ZBTB16: variants seen among roughly 807,000 people sequenced by gnomAD.
ZBTB16 encodes zinc finger and BTB domain-containing protein 16.
A neutral mutation model predicts 56.8 loss-of-function variants in ZBTB16; 8 were observed. The ratio of observed to expected loss-of-function variants is 0.14; its 90% CI spans 0.08 to 0.25. ZBTB16 has a LOEUF of 0.25. Ranked by LOEUF, ZBTB16 falls within the 10% of genes least tolerant of loss-of-function variation. The pLI is 1.00. For missense variants in ZBTB16, 625 were observed against 903.0 expected, an observed-to-expected ratio of 0.69 and a Z score of 3.95; for synonymous variants, 363 against 368.5, an observed-to-expected ratio of 0.98 and a Z score of 0.17.
chr11:114,070,149 C>T (rs200754913), intron 2 of ZBTB16, among the ~76,000 whole-genome samples: 6 of 120,916 alleles, frequency 5.0e-5, no homozygotes, highest in South Asian at 2.8e-4. Context: ...TCGCCCAGGT[C>T]GGACTGCGGA....
In ZBTB16 at chr11:114,252,038, C is replaced by T. The variant is rs1591817712; in HGVS notation, c.*1483C>T. Among the ~76,000 whole-genome samples, 1 of 152,234 alleles carries T rather than the reference C, an allele frequency of 6.6e-6. No individual in the cohort carries two copies. Reference sequence around the variant, plus strand: ...CCTCCCCGTGCCCCTGGAGACCAGCCTCCCAGCTGGCAGGAACTGTGCAGG... The same window carrying T: ...CCTCCCCGTGCCCCTGGAGACCAGCTTCCCAGCTGGCAGGAACTGTGCAGG... On this transcript the variant is annotated 3_prime_UTR_variant, in exon 7 of 7. Coordinates refer to ENST00000335953, the MANE Select transcript of ZBTB16 (RefSeq NM_006006.6).
chr11:114,086,013 GGGT>G (rs1015227870), intron 2 of ZBTB16, among the ~76,000 whole-genome samples: 7 of 152,092 alleles, frequency 4.6e-5, no homozygotes, highest in Admixed American at 2.0e-4. Flanking sequence ...TTAGTGATGG[GGGT>G]GGTGGTGGTA....
Position 114,059,902 on chromosome 11 carries a change from G to A in ZBTB16, c.-91+20G>A, listed in dbSNP as rs1456604409. The A allele has an allele frequency of 2.5e-6, 1 of 396,050 alleles. No individual in the cohort carries two copies. Among genetic ancestry groups the A allele is most frequent in the Admixed American group, 4.4e-5 (1 of 22,618 alleles). The allele number at this position is 396,050 out of a possible 1,614,324, so 24.5% of individuals were successfully genotyped here. On this transcript the variant is annotated intron_variant, in intron 1 of 6. Coordinates refer to ENST00000335953, the MANE Select transcript of ZBTB16 (RefSeq NM_006006.6). This position sits in a 1 kb window ranked among gnomAD's most constrained non-coding sequence, Gnocchi z 5.3. ...GCTGCGGTGAGTGAGGGGCCGGGAA[G>A]AGGCGCACCGCCCAGCGAGCGCCGC... is the stretch of plus-strand genomic sequence containing the variant.
intron 2 of ZBTB16, among the ~76,000 whole-genome samples, chr11:114,131,629 C>T (rs961010292): frequency 6.6e-6 from 1 of 152,174 alleles, no homozygotes; most frequent in African/African-American, 2.4e-5. Flanking sequence ...TTAAGTTGAG[C>T]TAGGCAGAAT....
intron 2 of ZBTB16, among the ~76,000 whole-genome samples, chr11:114,138,564 G>A (rs1313510845): frequency 1.3e-5 from 2 of 151,814 alleles, no homozygotes; most frequent in African/African-American, 4.8e-5. Context: ...TGTGTATTAT[G>A]TTTCTTTGAA....
chr11:114,141,139 G>A (rs528893419), intron 2 of ZBTB16, among the ~76,000 whole-genome samples: 44 of 152,306 alleles, frequency 2.9e-4, no homozygotes, highest in African/African-American at 9.6e-4. Flanking sequence ...AGGCTTGCCC[G>A]GCGGGGTATG....
At chr11:114,222,847 C>G (rs918186927) in intron 4 of ZBTB16, among the ~76,000 whole-genome samples, 1 of 152,116 alleles carries the variant, frequency 6.6e-6, no homozygotes, top group Non-Finnish European at 1.5e-5. Context: ...TGAGGAGGGA[C>G]GAAAACCCAC....
intron 4 of ZBTB16, among the ~76,000 whole-genome samples, chr11:114,211,735 G>C (rs1202874810): frequency 6.6e-6 from 1 of 152,156 alleles, no homozygotes; most frequent in Non-Finnish European, 1.5e-5. Context: ...TCGCAGTGGG[G>C]AGTTTGACTT....
At chr11:114,089,984 C>A (rs1476542623) in intron 2 of ZBTB16, among the ~76,000 whole-genome samples, 1 of 152,242 alleles carries the variant, frequency 6.6e-6, no homozygotes, top group African/African-American at 2.4e-5. Context: ...CACTTGGCTG[C>A]TCTTGCTTGC....
At chr11:114,215,852 C>T (rs918508343) in intron 4 of ZBTB16, among the ~76,000 whole-genome samples, 1 of 152,130 alleles carries the variant, frequency 6.6e-6, no homozygotes, top group African/African-American at 2.4e-5. Context: ...TCTCTGATGG[C>T]TATTTGAGAA....
intron 4 of ZBTB16, among the ~76,000 whole-genome samples, chr11:114,214,471 A>G (rs750260776): frequency 3.3e-5 from 5 of 152,220 alleles, no homozygotes; most frequent in Non-Finnish European, 7.3e-5. Flanking sequence ...ATTTAGTTGT[A>G]TTAACTCTCA....
intron 4 of ZBTB16, among the ~76,000 whole-genome samples, chr11:114,205,429 T>G (rs1378147208): frequency 1.3e-5 from 2 of 151,930 alleles, no homozygotes; most frequent in Non-Finnish European, 2.9e-5. Context: ...AAAAAAAAAT[T>G]TCTTCTCTGA....
At chr11:114,065,116 G>T (rs1437300866) in intron 2 of ZBTB16, among the ~76,000 whole-genome samples, 1 of 152,140 alleles carries the variant, frequency 6.6e-6, no homozygotes, top group East Asian at 1.9e-4. Context: ...TAATCTCCTT[G>T]CTCTGTCTCC....
chr11:114,135,946 T>C (rs1941786629), intron 2 of ZBTB16, among the ~76,000 whole-genome samples: 1 of 152,180 alleles, frequency 6.6e-6, no homozygotes, highest in African/African-American at 2.4e-5. Flanking sequence ...CATCTGCCTT[T>C]TTCCCACATC....
intron 2 of ZBTB16, among the ~76,000 whole-genome samples, chr11:114,150,728 T>C (rs1439843631): frequency 4.6e-5 from 7 of 152,244 alleles, no homozygotes; most frequent in Non-Finnish European, 7.3e-5. Context: ...AGCCCATTGC[T>C]AAAGTACATA....
At chr11:114,141,991 C>A (rs191374815) in intron 2 of ZBTB16, among the ~76,000 whole-genome samples, 2 of 152,196 alleles carry the variant, frequency 1.3e-5, no homozygotes, top group African/African-American at 4.8e-5. Flanking sequence ...TATCACTTTT[C>A]GTGTCTCTGA....
chr11:114,100,468 G>A (rs899173776), intron 2 of ZBTB16, among the ~76,000 whole-genome samples: 2 of 152,144 alleles, frequency 1.3e-5, no homozygotes, highest in African/African-American at 4.8e-5. Flanking sequence ...TAATATAGTA[G>A]GCATGGGGGT....
chr11:114,085,026 G>A (rs899994972), intron 2 of ZBTB16, among the ~76,000 whole-genome samples: 4 of 152,206 alleles, frequency 2.6e-5, no homozygotes, highest in African/African-American at 7.2e-5. Flanking sequence ...GTGGTAGGCG[G>A]TGATTGAGTG....
chr11:114,104,876 C>T (rs1940733835), intron 2 of ZBTB16, among the ~76,000 whole-genome samples: 3 of 152,152 alleles, frequency 2.0e-5, no homozygotes, highest in Admixed American at 2.0e-4. Context: ...GCACCAGAGT[C>T]ATTGCAACCA....
Sources: gnomAD v4.1 joint callset for allele counts (sites outside exome capture counted in the v4.1 genomes callset) on GRCh38, gnomAD v4.1.1 for gene constraint, Gnocchi (gnomAD v3.1) non-coding constraint, MANE v1.5 for transcripts, NCBI Gene and HGNC (gene_info 2026-07-23, HGNC 2026-07-21) for gene names.